Variants in HCN2 observed in about 807,000 individuals in gnomAD.
The protein encoded by HCN2 is potassium/sodium hyperpolarization-activated cyclic nucleotide-gated channel 2.
In HCN2, 20 loss-of-function variants were observed where a neutral mutation model predicts 52.3. That is an observed-to-expected ratio of 0.38 (90% CI 0.27 to 0.56). The LOEUF (loss-of-function observed/expected upper bound fraction) is 0.56. Among genes scored for constraint, HCN2 ranks in the 20% least tolerant of loss-of-function variants. HCN2 has a pLI of 0.71. For synonymous variants in HCN2, 694 were observed against 537.0 expected (o/e 1.29, Z -4.04); for missense variants, 981 against 1,207.7 (o/e 0.81, Z 2.78).
intron 1 of HCN2, among the ~76,000 whole-genome samples, chr19:599,350 G>A (rs549972252): frequency 5.3e-5 from 8 of 152,286 alleles, no homozygotes; most frequent in Admixed American, 3.3e-4. Flanking sequence ...CGGCGGCCAC[G>A]CCAGCGATGA....
chr19:603,365 G>T (rs1326662914), intron 1 of HCN2, among the ~76,000 whole-genome samples, 179 bp from the exon 2 acceptor site: 3 of 148,542 alleles, frequency 2.0e-5, no homozygotes, highest in African/African-American at 7.5e-5. Flanking sequence ...CCAGCCTGAG[G>T]TGTGGGTGCC....
chr19:611,074 T>C (rs549473021), intron 5 of HCN2, among the ~76,000 whole-genome samples: 2 of 152,312 alleles, frequency 1.3e-5, no homozygotes, highest in East Asian at 3.9e-4. Context: ...TCATCCGTCG[T>C]TGGATCAGGG....
At position 616,623 on chromosome 19, in the gene HCN2, C is replaced by G. The variant is rs1486455507; in HGVS notation, c.*149C>G. 2.7e-6 allele frequency: 1 copy of G among 371,536 alleles called. No individual in the cohort carries two copies. The highest frequency in any genetic ancestry group is 2.2e-5 in the African/African-American group (1 of 45,402). 23.0% of individuals were successfully genotyped at this position (371,536 alleles called of 1,614,324 possible). On this transcript the variant is annotated 3_prime_UTR_variant, in exon 8 of 8. Coordinates refer to ENST00000251287, the MANE Select transcript of HCN2 (RefSeq NM_001194.4). ...GCCGTAGTTGGACGGACGGGCAGGG[C>G]CGGCGGGGCAGCCCCCTCCGCGCCC... is the stretch of plus-strand genomic sequence containing the variant.
intron 5 of HCN2, among the ~76,000 whole-genome samples, chr19:612,427 T>TGTGAGTGAGAGA: frequency 7.0e-6 from 1 of 142,256 alleles, no homozygotes; most frequent in African/African-American, 2.6e-5. Flanking sequence ...TGTGTGTGTG[T>TGTGAGTGAGAGA]GAGAGAGAGA....
chr19:616,292 G>T lies in HCN2; in HGVS notation c.2488G>T (p.Gly830Cys). 1 of 1,080,588 alleles carries T rather than the reference G, an allele frequency of 9.3e-7. No homozygotes were observed. The highest frequency in any genetic ancestry group is 1.1e-6 in the Non-Finnish European group (1 of 891,014). The allele number at this position is 1,080,588 out of a possible 1,614,324, so 66.9% of individuals were successfully genotyped here. A position where few individuals can be genotyped will look rare whatever the true frequency, so the allele number is the denominator to read the frequency against. ...CGCCTCGCAGCCCTCGCTGCCTCAC[G>T]GCGCCCCCGGCCCCGCGGCCTCCAC... ...LSASQPSLPH[G>C]APGPAASTRP... is the part of the protein sequence containing the mutation. Residue 830 changes from glycine to cysteine, a missense_variant, in exon 8 of 8, where the codon GGC becomes TGC. Gly to Cys is a radical substitution (Grantham distance 159). Transcript: ENST00000251287.
intron 3 of HCN2, among the ~76,000 whole-genome samples, chr19:606,713 G>C (rs558624612): frequency 6.6e-6 from 1 of 151,342 alleles, no homozygotes; most frequent in Admixed American, 6.6e-5. Context: ...TTAGCCAGGC[G>C]TGGTGGCGCG....
chr19:612,765 C>G (rs905113481), intron 5 of HCN2, among the ~76,000 whole-genome samples: 1 of 143,644 alleles, frequency 7.0e-6, no homozygotes, highest in African/African-American at 2.6e-5. Context: ...GGGTCTTGTT[C>G]TGCGCTCAGG....
intron 1 of HCN2, among the ~76,000 whole-genome samples, chr19:601,229 C>T (rs1351764290): frequency 6.6e-6 from 1 of 152,196 alleles, no homozygotes; most frequent in Non-Finnish European, 1.5e-5. Flanking sequence ...AGGAGAATCG[C>T]TTGAACTTGG....
chr19:590,892 A>C lies in HCN2; in HGVS notation c.632+315A>C. 5.2e-6 allele frequency: 1 copy of C among 190,944 alleles called. No homozygotes were observed. The highest frequency in any genetic ancestry group is 1.1e-5 in the Non-Finnish European group (1 of 93,534). 11.8% of individuals were successfully genotyped at this position (190,944 alleles called of 1,614,324 possible). ...GAGCGCAGAGGGGCAGAGAGGACGA[A>C]TAGAGGGGAACGTGGGCCCCAGAGA... is the stretch of plus-strand genomic sequence containing the variant. On this transcript the variant is annotated intron_variant, in intron 1 of 7. Transcript: ENST00000251287. This position sits in a 1 kb window ranked among gnomAD's most constrained non-coding sequence, Gnocchi z 7.2.
chr19:614,186 G>A (rs1158139936), intron 7 of HCN2, among the ~76,000 whole-genome samples, 170 bp downstream of exon 7: 1 of 151,046 alleles, frequency 6.6e-6, no homozygotes, highest in African/African-American at 2.4e-5. Flanking sequence ...GGCCATGGCA[G>A]CAGGGGCGTG....
In HCN2 at chr19:605,103, A is replaced by T; in HGVS notation, c.1099A>T (p.Ile367Phe). ...TGACCTGGCCAGCGCGGTGATGAGG[A>T]TCTGCAATCTCATCAGCATGATGCT... ...TYDLASAVMR[I>F]CNLISMMLLL... The change falls in exon 3 of 8, where the codon ATC becomes TTC. Residue 367 changes from isoleucine to phenylalanine, a missense_variant. By Grantham distance (21) the Ile-to-Phe change is conservative. Transcript: ENST00000251287. The T allele has an allele frequency of 1.2e-6, 2 of 1,611,882 alleles. No individual in the cohort carries two copies. Among genetic ancestry groups the T allele is most frequent in the Non-Finnish European group, 1.7e-6 (2 of 1,179,480 alleles).
rs1356786673 is a variant in HCN2 at position 590,320 on chromosome 19, C to T, written c.375C>T (p.Phe125=). Residue 125 remains phenylalanine (F), a synonymous_variant, in exon 1 of 8, where the codon TTC becomes TTT. Transcript: ENST00000251287. The surrounding 1 kb of genome is among the most constrained non-coding windows in gnomAD (Gnocchi z 7.2). ...EGPARGPKVS[F]SCRGAASGPA... is the part of the protein sequence containing the mutation. ...CGGCGCGGGGGCCCAAGGTGTCGTTCTCGTGCCGCGGGGCGGCCTCGGGGC... is the reference window on the plus strand; with the variant it reads ...CGGCGCGGGGGCCCAAGGTGTCGTTTTCGTGCCGCGGGGCGGCCTCGGGGC... 2.0e-6 allele frequency: 2 copies of T among 1,020,166 alleles called. No homozygotes were observed. The highest frequency in any genetic ancestry group is 9.8e-5 in the East Asian group (1 of 10,186). The allele number at this position is 1,020,166 out of a possible 1,614,324, so 63.2% of individuals were successfully genotyped here.
In HCN2 at chr19:616,621, G is replaced by A. The variant is rs1983945917; in HGVS notation, c.*147G>A. 1 of 378,334 alleles carries A rather than the reference G, an allele frequency of 2.6e-6. No individual in the cohort carries two copies. The highest frequency in any genetic ancestry group is 4.1e-6 in the Non-Finnish European group (1 of 246,024). 23.4% of individuals were successfully genotyped at this position (378,334 alleles called of 1,614,324 possible). ...TAGCCGTAGTTGGACGGACGGGCAG[G>A]GCCGGCGGGGCAGCCCCCTCCGCGC... On this transcript the variant is annotated 3_prime_UTR_variant, in exon 8 of 8. Transcript: ENST00000251287.
rs1982838929 is a variant in HCN2, at chr19:590,580, A to G, written c.632+3A>G. On this transcript the variant is annotated splice_donor_region_variant and intron_variant, in intron 1 of 7. Coordinates refer to ENST00000251287, the MANE Select transcript of HCN2 (RefSeq NM_001194.4). This position sits in a 1 kb window ranked among gnomAD's most constrained non-coding sequence, Gnocchi z 7.2. Reference sequence around the variant, plus strand: ...ATCCACCCGTACAGCGACTTCAGGTACCGCCTCCGGGAGGGCCGGTCGGCG... The same window carrying G: ...ATCCACCCGTACAGCGACTTCAGGTGCCGCCTCCGGGAGGGCCGGTCGGCG... 4 of 1,415,182 alleles carry G rather than the reference A, an allele frequency of 2.8e-6. No individual in the cohort carries two copies. Among genetic ancestry groups the G allele is most frequent in the East Asian group, 5.8e-5 (2 of 34,590 alleles). The allele number at this position is 1,415,182 out of a possible 1,614,324, so 87.7% of individuals were successfully genotyped here.
chr19:613,914 C>A lies in HCN2; in HGVS notation c.1888C>A (p.Leu630Ile), dbSNP rs766238451. 3 of 1,598,182 alleles carry A rather than the reference C, an allele frequency of 1.9e-6. No individual in the cohort carries two copies. Among genetic ancestry groups the A allele is most frequent in the Non-Finnish European group, 1.7e-6 (2 of 1,172,360 alleles). Reference sequence around the variant, plus strand: ...CGTGCGGGCTGACACCTACTGCCGCCTCTATTCGCTGAGCGTGGACAACTT... The same window carrying A: ...CGTGCGGGCTGACACCTACTGCCGCATCTATTCGCTGAGCGTGGACAACTT... Reference protein sequence around the residue: ...ASVRADTYCRLYSLSVDNFNE... With the variant: ...ASVRADTYCRIYSLSVDNFNE... Residue 630 changes from leucine to isoleucine, a missense_variant, in exon 7 of 8, where the codon CTC (leucine) becomes ATC (isoleucine). By Grantham distance (5) the Leu-to-Ile change is conservative. Around this residue, in one of 6 missense-constraint regions of HCN2, gnomAD observed 85 missense variants for 106.1 expected, o/e 0.80. Coordinates refer to ENST00000251287, the MANE Select transcript of HCN2 (RefSeq NM_001194.4).
intron 3 of HCN2, 56 bp downstream of exon 3, chr19:605,278 G>T (rs1473877240): frequency 3.2e-6 from 5 of 1,566,178 alleles, no homozygotes; most frequent in South Asian, 1.1e-5. Context: ...ACAGAGGGGG[G>T]ACCCAGGCCC....
In HCN2 at chr19:603,782, T is replaced by G; in HGVS notation, c.871T>G (p.Phe291Val). 2 of 1,612,702 alleles carry G rather than the reference T, an allele frequency of 1.2e-6. No individual in the cohort carries two copies. Among genetic ancestry groups the G allele is most frequent in the Non-Finnish European group, 1.7e-6 (2 of 1,179,792 alleles). ...KIKKKYLRTW[F>V]VVDFVSSIPV... is the part of the protein sequence containing the mutation. Reference sequence around the variant, plus strand: ...CAAGAAGAAGTATCTGCGCACGTGGTTCGTGGTGGACTTCGTGTCCTCCAT... The same window carrying G: ...CAAGAAGAAGTATCTGCGCACGTGGGTCGTGGTGGACTTCGTGTCCTCCAT... Residue 291 changes from phenylalanine to valine, a missense_variant, in exon 2 of 8, where the codon TTC (phenylalanine) becomes GTC (valine). Phe to Val is a conservative substitution (Grantham distance 50, BLOSUM62 -1). Transcript: ENST00000251287.
rs760837694 is a variant in HCN2, at chr19:615,966, C to T, written c.2162C>T (p.Pro721Leu). ...CTCTTCCCGCCGCCGCCGCCGCCGC[C>T]GCAGGTCACCTCGGCCATCGCCACG... ...VGLFPPPPPP[P>L]QVTSAIATLQ... The change falls in exon 8 of 8, where the codon CCG becomes CTG. Residue 721 changes from proline (P) to leucine (L), a missense_variant. Coordinates refer to ENST00000251287, the MANE Select transcript of HCN2 (RefSeq NM_001194.4). The T allele has an allele frequency of 1.1e-4, 171 of 1,601,736 alleles. No individual in the cohort carries two copies. The highest frequency in any genetic ancestry group is 1.4e-4 in the Non-Finnish European group (163 of 1,176,664).
chr19:608,173 C>T lies in HCN2; in HGVS notation c.1428C>T (p.Tyr476=), dbSNP rs1983486566. The T allele has an allele frequency of 6.2e-7, 1 of 1,612,534 alleles. No individual in the cohort carries two copies. Residue 476 remains tyrosine (Y), a synonymous_variant, in exon 4 of 8, where the codon TAC becomes TAT. Coordinates refer to ENST00000251287, the MANE Select transcript of HCN2 (RefSeq NM_001194.4). ...CGCTGGACTCCTCGCGGCGCCAGTA[C>T]CAGGAGAAGGTCTGAGGGAGGCGGG... is the stretch of plus-strand genomic sequence containing the variant. ...IQSLDSSRRQ[Y]QEKYKQVEQY...
Sources: allele counts gnomAD v4.1 joint callset (sites outside exome capture counted in the v4.1 genomes callset), GRCh38; gene constraint gnomAD v4.1.1; regional missense constraint gnomAD v4.1.1; non-coding constraint Gnocchi (gnomAD v3.1); transcripts MANE v1.5; gene names NCBI Gene and HGNC (gene_info 2026-07-23, HGNC 2026-07-21).